The following GPC6 variants were observed in gnomAD, a reference collection of about 807,000 sequenced individuals.
The protein encoded by GPC6 is glypican 6, also known as glypican-6.
GPC6 carries 14 observed loss-of-function variants against 55.2 expected under a neutral mutation model. The ratio of observed to expected loss-of-function variants is 0.25; its 90% CI spans 0.17 to 0.40. GPC6 has a LOEUF of 0.40. Ranked by LOEUF, GPC6 falls within the 10% of genes least tolerant of loss-of-function variation. The pLI is 1.00. For missense variants in GPC6, 641 were observed against 708.5 expected, an observed-to-expected ratio of 0.90 and a Z score of 1.08; for synonymous variants, 278 against 259.6, an observed-to-expected ratio of 1.07 and a Z score of -0.68.
intron 2 of GPC6, among the ~76,000 whole-genome samples, chr13:93,799,102 C>T (rs1328869758): frequency 2.6e-5 from 4 of 152,140 alleles, no homozygotes; most frequent in South Asian, 2.1e-4. Context: ...TTCTCAGTGA[C>T]GAGTTCACAT....
chr13:94,070,919 C>A (rs538188011), intron 4 of GPC6, among the ~76,000 whole-genome samples: 4 of 143,976 alleles, frequency 2.8e-5, no homozygotes, highest in Admixed American at 2.7e-4. Context: ...CAAAGGAAAT[C>A]TAAAAACAGA....
At chr13:93,619,640 G>A (rs1878869869) in intron 2 of GPC6, among the ~76,000 whole-genome samples, 2 of 152,124 alleles carry the variant, frequency 1.3e-5, no homozygotes, top group African/African-American at 4.8e-5. Context: ...GTTTTGGAGA[G>A]ATGGAGTCTC....
Position 93,260,521 on chromosome 13 carries a change from T to C in GPC6, c.160+32905T>C, listed in dbSNP as rs370861460. ...GGACTTGTTATCACCGCCTCTTAGG[T>C]GAATGTCTGTTTTAATTGTTCAGAT... On this transcript the variant is annotated intron_variant, in intron 1 of 8. Coordinates refer to ENST00000377047, the MANE Select transcript of GPC6 (RefSeq NM_005708.5). 2.6e-5 allele frequency among the ~76,000 whole-genome samples: 4 copies of C among 152,160 alleles called. No individual in the cohort carries two copies. In the East Asian group the frequency reaches 5.8e-4, roughly 22 times the overall value.
intron 2 of GPC6, among the ~76,000 whole-genome samples, chr13:93,556,284 T>C (rs1214140171): frequency 6.6e-6 from 1 of 151,686 alleles, no homozygotes; most frequent in Non-Finnish European, 1.5e-5. Flanking sequence ...TACTTTTTAA[T>C]TTTTGGGTTA....
At chr13:93,489,686 C>T (rs868266437) in intron 1 of GPC6, among the ~76,000 whole-genome samples, 2 of 151,434 alleles carry the variant, frequency 1.3e-5, no homozygotes, top group African/African-American at 2.4e-5. Context: ...AGGTCCTTCA[C>T]GTCCCTTGTA....
Position 94,058,715 on chromosome 13 carries a change from G to A in GPC6, c.877+30821G>A, listed in dbSNP as rs117312481. ...ACTCCAGGCATAGAGAGCAGGAACT[G>A]GTGAAAGCAGACTAGCTACTGTCAT... is the stretch of plus-strand genomic sequence containing the variant. On this transcript the variant is annotated intron_variant, in intron 4 of 8. Transcript: ENST00000377047. Among the ~76,000 whole-genome samples the A allele has an allele frequency of 2.1e-3, 327 of 152,286 alleles. 8 individuals are homozygous for A. In the East Asian group the frequency reaches 0.062, roughly 29 times the overall value.
At chr13:93,682,577 A>G (rs778827769) in intron 2 of GPC6, among the ~76,000 whole-genome samples, 2 of 152,126 alleles carry the variant, frequency 1.3e-5, no homozygotes, top group Non-Finnish European at 2.9e-5. Flanking sequence ...CTATAAAACA[A>G]CTGATTTTAG....
chr13:93,495,868 G>T (rs1382904637), intron 1 of GPC6, among the ~76,000 whole-genome samples: 1 of 147,524 alleles, frequency 6.8e-6, no homozygotes, highest in Non-Finnish European at 1.5e-5. Flanking sequence ...ACTTGAGGAG[G>T]CAGTCTGCCC....
At chr13:93,686,963 T>G (rs1040507937) in intron 2 of GPC6, among the ~76,000 whole-genome samples, 8 of 152,062 alleles carry the variant, frequency 5.3e-5, no homozygotes, top group African/African-American at 1.9e-4. Flanking sequence ...TTGCCGATTT[T>G]AAAGCCTATA....
chr13:94,192,827 G>A (rs1297502877), intron 4 of GPC6, among the ~76,000 whole-genome samples: 1 of 152,130 alleles, frequency 6.6e-6, no homozygotes, highest in African/African-American at 2.4e-5. Flanking sequence ...TGAAGTGGTG[G>A]GTGAGCCCCA....
At chr13:94,251,307 G>T (rs1411677777) in intron 4 of GPC6, among the ~76,000 whole-genome samples, 14 of 151,776 alleles carry the variant, frequency 9.2e-5, no homozygotes, top group Admixed American at 1.3e-4. Flanking sequence ...GGCAGGGGGT[G>T]GGGGGCAAAG....
In GPC6 at chr13:93,381,909, T is replaced by A. The variant is rs79325286; in HGVS notation, c.160+154293T>A. Among the ~76,000 whole-genome samples, 6 of 152,274 alleles carry A rather than the reference T, an allele frequency of 3.9e-5. No homozygotes were observed. In the East Asian group the frequency reaches 1.2e-3, roughly 29 times the overall value. ...ACCAGTCATAATTACAGGGGTTTAA[T>A]TGATCATTTAAAGTATGTTACTTTT... On this transcript the variant is annotated intron_variant, in intron 1 of 8. Coordinates refer to ENST00000377047, the MANE Select transcript of GPC6 (RefSeq NM_005708.5).
At chr13:93,533,819 C>T (rs910911974) in intron 1 of GPC6, among the ~76,000 whole-genome samples, 3 of 151,860 alleles carry the variant, frequency 2.0e-5, no homozygotes, top group Non-Finnish European at 4.4e-5. Flanking sequence ...TGCTGACCAT[C>T]CTGCTTGAGA....
chr13:94,171,295 C>A (rs1042801648), intron 4 of GPC6, among the ~76,000 whole-genome samples: 6 of 152,148 alleles, frequency 3.9e-5, no homozygotes, highest in Admixed American at 3.3e-4. Flanking sequence ...AAAACACAGC[C>A]AGCGCAACAT....
chr13:93,580,247 G>A (rs1460910798), intron 2 of GPC6, among the ~76,000 whole-genome samples: 1 of 152,074 alleles, frequency 6.6e-6, no homozygotes, highest in Non-Finnish European at 1.5e-5. Flanking sequence ...TTTTATGAGG[G>A]TACTAATCTC....
chr13:94,307,042 G>A (rs1340983615), intron 6 of GPC6, among the ~76,000 whole-genome samples: 1 of 152,116 alleles, frequency 6.6e-6, no homozygotes, highest in Non-Finnish European at 1.5e-5. Flanking sequence ...GTTATAAATT[G>A]CTTTATGATT....
chr13:93,510,959 A>ATATATATGTGTG (rs1555306595), intron 1 of GPC6, among the ~76,000 whole-genome samples: 1 of 18,888 alleles, frequency 5.3e-5, no homozygotes, highest in Non-Finnish European at 1.7e-4. Context: ...AAATATATAT[A>ATATATATGTGTG]TATATATATA....
chr13:94,320,714 G>A (rs1207688358), intron 6 of GPC6, among the ~76,000 whole-genome samples: 1 of 152,092 alleles, frequency 6.6e-6, no homozygotes, highest in African/African-American at 2.4e-5. Flanking sequence ...TCCATTCTTA[G>A]TACTCTTGTT....
chr13:94,066,470 TG>T (rs1884522068), intron 4 of GPC6, among the ~76,000 whole-genome samples: 2 of 152,190 alleles, frequency 1.3e-5, no homozygotes, highest in African/African-American at 4.8e-5. Flanking sequence ...TACAGAAGAT[TG>T]GGTGTTAGTA....
Sources: gnomAD v4.1 joint callset for allele counts (sites outside exome capture counted in the v4.1 genomes callset) on GRCh38, gnomAD v4.1.1 for gene constraint, MANE v1.5 for transcripts, NCBI Gene and HGNC (gene_info 2026-07-23, HGNC 2026-07-21) for gene names.